ANKK1: variants seen among roughly 807,000 people sequenced by gnomAD.
ANKK1 encodes the protein ankyrin repeat and kinase domain containing 1.
A neutral mutation model predicts 37.6 loss-of-function variants in ANKK1; 37 were observed. The observed-to-expected ratio is 0.98, with a 90% CI of 0.76 to 1.29. The LOEUF is 1.29. Among genes scored for constraint, ANKK1 ranks in the 50% most tolerant of loss-of-function variants. The probability of loss-of-function intolerance (pLI) is 0.00; values close to 1 mark genes in which losing one functional copy is unlikely to be tolerated. For missense variants in ANKK1, 1,019 were observed against 990.6 expected, an observed-to-expected ratio of 1.03 and a Z score of -0.39; for synonymous variants, 415 against 418.7, an observed-to-expected ratio of 0.99 and a Z score of 0.11.
At position 113,399,802 on chromosome 11, in the gene ANKK1, G is replaced by A; in HGVS notation, c.1833G>A (p.Leu611=). 1 of 1,603,938 alleles carries A rather than the reference G, an allele frequency of 6.2e-7. No individual in the cohort carries two copies. Among genetic ancestry groups the A allele is most frequent in the South Asian group, 1.1e-5 (1 of 89,508 alleles). ...AGGGCCACCTGGAGATCATCCATCT[G>A]CTGGCAGAGAGCCACGCAAACATGG... ...AYKGHLEIIH[L]LAESHANMGA... The change falls in exon 8 of 8, where the codon CTG becomes CTA. Residue 611 remains leucine (L), a synonymous_variant. Transcript: ENST00000303941.
chr11:113,388,039 G>T lies in ANKK1; in HGVS notation c.155G>T (p.Cys52Phe). The change falls in exon 1 of 8, where the codon TGC (cysteine) becomes TTC (phenylalanine). Residue 52 changes from cysteine (C) to phenylalanine (F), a missense_variant. Cys to Phe is a radical substitution (Grantham distance 205). Coordinates refer to ENST00000303941, the MANE Select transcript of ANKK1 (RefSeq NM_178510.2). The part of the protein sequence containing the change: ...RRWRTEYAIK[C>F]APCLPPDAAS... ...TGGCGGACGGAGTACGCCATCAAGT[G>T]CGCCCCCTGCCTTCCACCCGACGCC... 6.5e-7 allele frequency: 1 copy of T among 1,534,752 alleles called. No homozygotes were observed.
chr11:113,387,971 C>A lies in ANKK1; in HGVS notation c.87C>A (p.Ala29=). 6.4e-7 allele frequency: 1 copy of A among 1,572,396 alleles called. No individual in the cohort carries two copies. Among genetic ancestry groups the A allele is most frequent in the South Asian group, 1.2e-5 (1 of 86,150 alleles). Reference sequence around the variant, plus strand: ...TCGAGGGCGACTGGCGCCTAGTGGCCAGCGGCGGCTTCAGCCAGGTGTTCC... The same window carrying A: ...TCGAGGGCGACTGGCGCCTAGTGGCAAGCGGCGGCTTCAGCCAGGTGTTCC... ...DDFEGDWRLV[A]SGGFSQVFQA... is the part of the protein sequence containing the mutation. Residue 29 remains alanine (A), a synonymous_variant, in exon 1 of 8, where the codon GCC becomes GCA. Transcript: ENST00000303941.
At chr11:113,391,832 G>T (rs61492892) in intron 1 of ANKK1, among the ~76,000 whole-genome samples, 31,800 of 151,946 alleles carry the variant, frequency 0.21, 3,998 homozygotes, top group East Asian at 0.5. Context: ...CAAGTAACAG[G>T]ATATGAGCCT....
intron 2 of ANKK1, among the ~76,000 whole-genome samples, chr11:113,394,413 C>T (rs1056801682): frequency 6.6e-6 from 1 of 152,156 alleles, no homozygotes; most frequent in Non-Finnish European, 1.5e-5. Context: ...CAGGGGGTGT[C>T]TCATTTTTCT....
chr11:113,397,442 G>A, intron 6 of ANKK1, 100 bp downstream of exon 6: 1 of 992,398 alleles, frequency 1.0e-6, no homozygotes, highest in Non-Finnish European at 1.5e-6. Flanking sequence ...CTCATGCACA[G>A]CCCAGCTTGG....
rs772847732 is a variant in ANKK1 at position 113,399,734 on chromosome 11, C to T, written c.1765C>T (p.Pro589Ser). Residue 589 changes from proline (P) to serine (S), a missense_variant, in exon 8 of 8, where the codon CCC becomes TCC. Physicochemically the swap from Pro to Ser is moderately conservative, Grantham distance 74 (BLOSUM62 -1). Transcript: ENST00000303941. ...CAGGTACGGAGCCAGCCTTGAGCTG[C>T]CCACCCACCAGGGCTGGACACCCCT... Reference protein sequence around the residue: ...LLRYGASLELPTHQGWTPLHL... With the variant: ...LLRYGASLELSTHQGWTPLHL... 6.2e-7 allele frequency: 1 copy of T among 1,601,728 alleles called. No individual in the cohort carries two copies. Among genetic ancestry groups the T allele is most frequent in the Non-Finnish European group, 8.5e-7 (1 of 1,174,356 alleles).
chr11:113,399,924 C>CAG lies in ANKK1; in HGVS notation c.1955_1956insAG (p.Asn653AlafsTer22). ...GCACTGCTGCAGTGTGGGGCTGACC[C>CAG]CAATGCTGCAGAGCAGTCAGGCTGG... On this transcript the variant is annotated frameshift_variant, in exon 8 of 8. Coordinates refer to ENST00000303941, the MANE Select transcript of ANKK1 (RefSeq NM_178510.2). LOFTEE classifies it low-confidence loss of function (END_TRUNC). The CAG allele has an allele frequency of 6.2e-7, 1 of 1,613,584 alleles. No homozygotes were observed. The highest frequency in any genetic ancestry group is 8.5e-7 in the Non-Finnish European group (1 of 1,179,882).
intron 5 of ANKK1, 71 bp downstream of exon 5, chr11:113,396,293 T>G (rs1950638892): frequency 1.1e-5 from 18 of 1,566,334 alleles, no homozygotes; most frequent in South Asian, 4.7e-5. Context: ...GACTGGGCAC[T>G]CCTGGGAGCT....
Position 113,399,934 on chromosome 11 carries a change from A to C in ANKK1, c.1965A>C (p.Ala655=). The change falls in exon 8 of 8, where the codon GCA becomes GCC. Residue 655 remains alanine (A), a synonymous_variant. Coordinates refer to ENST00000303941, the MANE Select transcript of ANKK1 (RefSeq NM_178510.2). ...AGTGTGGGGCTGACCCCAATGCTGC[A>C]GAGCAGTCAGGCTGGACACCCCTCC... is the stretch of plus-strand genomic sequence containing the variant. ...LLQCGADPNA[A]EQSGWTPLHL... is the part of the protein sequence containing the mutation. 1 of 1,613,606 alleles carries C rather than the reference A, an allele frequency of 6.2e-7. No individual in the cohort carries two copies. Among genetic ancestry groups the C allele is most frequent in the South Asian group, 1.1e-5 (1 of 91,090 alleles).
At chr11:113,394,842 C>T (rs1412445024) in intron 2 of ANKK1, 87 bp from the exon 3 acceptor site, 1 of 1,534,396 alleles carries the variant, frequency 6.5e-7, no homozygotes, top group Non-Finnish European at 8.9e-7. Context: ...CTGGAACAGG[C>T]AGATAGCAGG....
Position 113,399,275 on chromosome 11 carries a change from G to A in ANKK1, c.1306G>A (p.Ala436Thr), listed in dbSNP as rs1441991387. ...TGGCTGGGCCCCACTGCACTTTGCA[G>A]CCCAGAATGGGGATGACGGCACTGC... The part of the protein sequence containing the change: ...EDGWAPLHFA[A>T]QNGDDGTARL... Residue 436 changes from alanine to threonine, a missense_variant, in exon 8 of 8, where the codon GCC (alanine) becomes ACC (threonine). Coordinates refer to ENST00000303941, the MANE Select transcript of ANKK1 (RefSeq NM_178510.2). 6.2e-7 allele frequency: 1 copy of A among 1,605,948 alleles called. No homozygotes were observed. The highest frequency in any genetic ancestry group is 8.5e-7 in the Non-Finnish European group (1 of 1,176,552).
intron 1 of ANKK1, among the ~76,000 whole-genome samples, chr11:113,391,430 T>C (rs572680584): frequency 6.6e-6 from 1 of 152,186 alleles, no homozygotes; most frequent in African/African-American, 2.4e-5. Context: ...TGAGAATAGA[T>C]TGTGGAGAGG....
At position 113,399,983 on chromosome 11, in the gene ANKK1, T is replaced by C. The variant is rs766436729; in HGVS notation, c.2014T>C (p.Phe672Leu). The change falls in exon 8 of 8, where the codon TTC (phenylalanine) becomes CTC (leucine). Residue 672 changes from phenylalanine to leucine, a missense_variant. Physicochemically the swap from Phe to Leu is conservative, Grantham distance 22. Transcript: ENST00000303941. ...PLHLAVQRST[F>L]LSVINLLEHH... ...CCACCTGGCGGTCCAGAGGAGCACC[T>C]TCCTGAGTGTCATCAACCTCCTAGA... 6.2e-7 allele frequency: 1 copy of C among 1,613,566 alleles called. No individual in the cohort carries two copies. The highest frequency in any genetic ancestry group is 1.7e-5 in the Admixed American group (1 of 60,024).
chr11:113,394,985 CG>C lies in ANKK1; in HGVS notation c.538del (p.Glu180ArgfsTer52), dbSNP rs1950625368. ...MEQSTRMQYI[E>X]RSALRGMLSY... ...AACAGTCCACCCGGATGCAGTACATCGAGAGGTCGGCTCTGCGGGGCATGCT... is the reference window on the plus strand; with the variant it reads ...AACAGTCCACCCGGATGCAGTACATCAGAGGTCGGCTCTGCGGGGCATGCT... On this transcript the variant is annotated frameshift_variant, in exon 3 of 8. Coordinates refer to ENST00000303941, the MANE Select transcript of ANKK1 (RefSeq NM_178510.2). LOFTEE classifies it high-confidence loss of function. The C allele has an allele frequency of 1.2e-6, 2 of 1,613,620 alleles. No homozygotes were observed.
intron 3 of ANKK1, 131 bp from the exon 4 acceptor site, chr11:113,395,228 T>G: frequency 1.1e-5 from 16 of 1,492,878 alleles, no homozygotes; most frequent in Non-Finnish European, 1.3e-5. Context: ...GGCAGAGGGC[T>G]GGGGAGTACT....
At chr11:113,392,851 G>A (rs749371062) in intron 1 of ANKK1, among the ~76,000 whole-genome samples, 8 of 152,156 alleles carry the variant, frequency 5.3e-5, no homozygotes, top group Non-Finnish European at 5.9e-5. Flanking sequence ...CAGCAGTGTG[G>A]GGAAGTGCTC....
rs374577982 is a variant in ANKK1 at position 113,395,110 on chromosome 11, C to A, written c.632+30C>A. 235 of 1,574,938 alleles carry A rather than the reference C, an allele frequency of 1.5e-4. 1 individual carries two copies. The South Asian group carries it at 1.8e-3, about 12-fold the overall frequency. The stretch of plus-strand genomic sequence containing the variant: ...GAAGGAGGCCTGGCGTGATGCCACA[C>A]ACCCAGCAGGCAGTTTGCTGCCACC... On this transcript the variant is annotated intron_variant, in intron 3 of 7. Transcript: ENST00000303941.
At chr11:113,392,876 A>G (rs1441554538) in intron 1 of ANKK1, among the ~76,000 whole-genome samples, 1 of 152,184 alleles carries the variant, frequency 6.6e-6, no homozygotes. Context: ...TCCACATACT[A>G]TGTGATCCAA....
chr11:113,398,204 GC>G (rs1950655039), intron 7 of ANKK1, among the ~76,000 whole-genome samples, 188 bp downstream of exon 7: 1 of 151,766 alleles, frequency 6.6e-6, no homozygotes, highest in Admixed American at 6.6e-5. Flanking sequence ...GAGCCTGGCT[GC>G]CTCCCTTTCA....
Sources: gnomAD v4.1 joint callset for allele counts (sites outside exome capture counted in the v4.1 genomes callset) on GRCh38, gnomAD v4.1.1 for gene constraint, MANE v1.5 for transcripts, NCBI Gene and HGNC (gene_info 2026-07-23, HGNC 2026-07-21) for gene names.